Variants in SMC6 observed in about 807,000 individuals in gnomAD.
SMC6 encodes structural maintenance of chromosomes protein 6.
Under a neutral mutation model 142.2 loss-of-function variants are expected in SMC6, and 79 were observed. That is an observed-to-expected ratio of 0.56 (90% CI 0.46 to 0.67). The LOEUF (loss-of-function observed/expected upper bound fraction) is 0.67, where lower values mean the gene tolerates loss of function less well. SMC6 is among the 30% of genes least tolerant of loss of function. The pLI is 0.00. For missense variants in SMC6, 1,072 were observed against 1,284.0 expected, an observed-to-expected ratio of 0.83 and a Z score of 2.52; for synonymous variants, 411 against 412.4, an observed-to-expected ratio of 1.00 and a Z score of 0.04.
chr2:17,690,642 T>C (rs1667660370), intron 23 of SMC6, among the ~76,000 whole-genome samples: 1 of 152,008 alleles, frequency 6.6e-6, no homozygotes, highest in Non-Finnish European at 1.5e-5. Context: ...TCCCTGTGAA[T>C]ATATTATCAC....
chr2:17,739,252 T>G (rs1670306686), intron 4 of SMC6, among the ~76,000 whole-genome samples: 1 of 152,186 alleles, frequency 6.6e-6, no homozygotes, highest in African/African-American at 2.4e-5. Context: ...CTCATACCTG[T>G]AATCCCAGCG....
At chr2:17,689,893 T>A (rs968746888) in intron 23 of SMC6, among the ~76,000 whole-genome samples, 4 of 152,126 alleles carry the variant, frequency 2.6e-5, no homozygotes, top group Non-Finnish European at 5.9e-5. Flanking sequence ...TGTTTTTGAG[T>A]TTTTTCCCCC....
intron 27 of SMC6, among the ~76,000 whole-genome samples, chr2:17,666,121 T>G (rs1470171836): frequency 2.0e-5 from 3 of 152,208 alleles, no homozygotes; most frequent in Non-Finnish European, 4.4e-5. Context: ...CATAAATCAT[T>G]TTAGTCCAAA....
intron 23 of SMC6, among the ~76,000 whole-genome samples, chr2:17,684,303 G>A (rs927471599): frequency 6.6e-6 from 1 of 152,116 alleles, no homozygotes; most frequent in Non-Finnish European, 1.5e-5. Context: ...AGGCAACCCT[G>A]GTCGAGGCTC....
chr2:17,747,547 C>T (rs1366709442), intron 2 of SMC6, among the ~76,000 whole-genome samples: 1 of 150,480 alleles, frequency 6.6e-6, no homozygotes, highest in African/African-American at 2.5e-5. Flanking sequence ...GCTCTGTCTC[C>T]CAGGCTAGAG....
At chr2:17,696,468 T>A (rs1667991873) in intron 21 of SMC6, 42 bp from the exon 22 acceptor site, 1 of 1,587,144 alleles carries the variant, frequency 6.3e-7, no homozygotes, top group East Asian at 2.2e-5. Flanking sequence ...TTTAAAAAAA[T>A]TTCCAGCATA....
chr2:17,723,207 C>A (rs1669458882), intron 9 of SMC6, among the ~76,000 whole-genome samples: 1 of 152,098 alleles, frequency 6.6e-6, no homozygotes, highest in African/African-American at 2.4e-5. Context: ...TTACTACTAC[C>A]AATATCCTTA....
At chr2:17,718,769 T>G (rs1160210378) in intron 11 of SMC6, among the ~76,000 whole-genome samples, 1 of 152,140 alleles carries the variant, frequency 6.6e-6, no homozygotes, top group Non-Finnish European at 1.5e-5. Context: ...AGAGCTTAAA[T>G]TGAAAGGATA....
At chr2:17,724,852 CTA>C (rs1669537993) in intron 9 of SMC6, among the ~76,000 whole-genome samples, 1 of 152,124 alleles carries the variant, frequency 6.6e-6, no homozygotes, top group Non-Finnish European at 1.5e-5. Context: ...TAAATGCATA[CTA>C]TGTTTAAAAA....
intron 25 of SMC6, among the ~76,000 whole-genome samples, chr2:17,671,036 GTT>G (rs138967912): frequency 7.3e-6 from 1 of 137,102 alleles, no homozygotes. Flanking sequence ...TAATTTTTGT[GTT>G]TTTTTTTTTT....
At chr2:17,697,650 C>A (rs891229648) in intron 21 of SMC6, among the ~76,000 whole-genome samples, 1 of 152,002 alleles carries the variant, frequency 6.6e-6, no homozygotes, top group Non-Finnish European at 1.5e-5. Flanking sequence ...AATGAGATAC[C>A]ACTTCTCACT....
At chr2:17,725,016 C>A (rs1669546537) in intron 9 of SMC6, among the ~76,000 whole-genome samples, 1 of 152,112 alleles carries the variant, frequency 6.6e-6, no homozygotes, top group Non-Finnish European at 1.5e-5. Context: ...CTGCCCTGTT[C>A]TCTATCTTAT....
At chr2:17,681,673 T>C (rs1408282314) in intron 24 of SMC6, 3 of 152,192 alleles carry the variant, frequency 2.0e-5, no homozygotes, top group East Asian at 3.9e-4. Flanking sequence ...ACAACATTTG[T>C]TGATGAAGTC....
In SMC6 at chr2:17,665,228, G is replaced by T. The variant is rs1196308191; in HGVS notation, c.*271C>A. Reference sequence around the variant, plus strand: ...TGTACAAAATTTTACTTCTGAAAAAGAACCTATAAAAATAGATCGTATTAA... The same window carrying T: ...TGTACAAAATTTTACTTCTGAAAAATAACCTATAAAAATAGATCGTATTAA... On this transcript the variant is annotated 3_prime_UTR_variant, in exon 28 of 28. Coordinates refer to ENST00000448223, the MANE Select transcript of SMC6 (RefSeq NM_001142286.2). 8.8e-6 allele frequency: 2 copies of T among 226,316 alleles called. No homozygotes were observed. Among genetic ancestry groups the T allele is most frequent in the East Asian group, 9.2e-5 (1 of 10,846 alleles). The allele number at this position is 226,316 out of a possible 1,614,324, so 14.0% of individuals were successfully genotyped here.
chr2:17,741,866 T>C (rs41282365), intron 3 of SMC6, 137 bp from the exon 4 acceptor site: 1 of 544,828 alleles, frequency 1.8e-6, no homozygotes, highest in Admixed American at 3.3e-5. Context: ...GTAACTTCAA[T>C]GAATAAGATG....
Position 17,714,868 on chromosome 2 carries a change from T to C in SMC6, c.1723A>G (p.Arg575Gly). 6.2e-7 allele frequency: 1 copy of C among 1,612,106 alleles called. No homozygotes were observed. Among genetic ancestry groups the C allele is most frequent in the Non-Finnish European group, 8.5e-7 (1 of 1,179,540 alleles). ...SEFRNEIYDV[R>G]HRAAYHPDFP... ...CAATTACTAATGCCTTACCTGTGTC[T>C]TACATCATATATCTCATTCCGAAAC... The change falls in exon 16 of 28, where the codon AGA becomes GGA. Residue 575 changes from arginine (R) to glycine (G), a missense_variant. Physicochemically the swap from Arg to Gly is moderately radical, Grantham distance 125. This residue lies in a region of SMC6 where 994 missense variants were observed against 1,153.2 expected (regional missense o/e 0.86). Coordinates refer to ENST00000448223, the MANE Select transcript of SMC6 (RefSeq NM_001142286.2).
chr2:17,710,035 C>T (rs1668747730), intron 16 of SMC6, among the ~76,000 whole-genome samples: 1 of 152,172 alleles, frequency 6.6e-6, no homozygotes, highest in African/African-American at 2.4e-5. Context: ...ATAAGGAAAA[C>T]AGCAAAGTTT....
At chr2:17,733,232 GAC>G (rs2125050685) in intron 5 of SMC6, among the ~76,000 whole-genome samples, 1 of 152,348 alleles carries the variant, frequency 6.6e-6, no homozygotes, top group East Asian at 1.9e-4. Context: ...TTACTGCTAA[GAC>G]AGTAGACACA....
intron 25 of SMC6, among the ~76,000 whole-genome samples, chr2:17,677,746 T>C (rs1051311293): frequency 6.6e-6 from 1 of 152,302 alleles, no homozygotes; most frequent in South Asian, 2.1e-4. Flanking sequence ...CTTTAATAAA[T>C]GGGTCTTTTA....
Sources: allele counts gnomAD v4.1 joint callset (sites outside exome capture counted in the v4.1 genomes callset), GRCh38; gene constraint gnomAD v4.1.1; regional missense constraint gnomAD v4.1.1; transcripts MANE v1.5; gene names NCBI Gene and HGNC (gene_info 2026-07-23, HGNC 2026-07-21).